Variants in RPS29 observed in about 807,000 individuals in gnomAD.
The protein encoded by RPS29 is ribosomal protein S29, also known as small ribosomal subunit protein uS14.
For synonymous variants in RPS29, 37 were observed against 26.9 expected, an observed-to-expected ratio of 1.37 and a Z score of -1.16; for missense variants, 60 against 75.7, an observed-to-expected ratio of 0.79 and a Z score of 0.77.
At chr14:49,598,228 C>T (rs1402192239) in intron 1 of RPS29, 4 of 580,224 alleles carry the variant, frequency 6.9e-6, no homozygotes, top group African/African-American at 3.8e-5. Context: ...GACCACGACC[C>T]CGACCGTGAG....
At chr14:49,590,578 C>T (rs1432499932), upstream of RPS29, among the ~76,000 whole-genome samples, 1 of 152,194 alleles carries the variant, frequency 6.6e-6, no homozygotes, top group Admixed American at 6.5e-5. Flanking sequence ...CTTTACAAAA[C>T]CTATTTTACC....
intron 2 of RPS29, among the ~76,000 whole-genome samples, chr14:49,584,634 G>GA (rs1021843106): frequency 2.0e-4 from 30 of 151,592 alleles, no homozygotes; most frequent in African/African-American, 7.3e-4. Context: ...CGTGGTGGCA[G>GA]ACGCCTGTAA....
At chr14:49,582,310 A>G (rs1440416385), downstream of RPS29, among the ~76,000 whole-genome samples, 1 of 152,170 alleles carries the variant, frequency 6.6e-6, no homozygotes, top group Non-Finnish European at 1.5e-5. Flanking sequence ...ATATCTAACT[A>G]TAACCTACAG....
upstream of RPS29, chr14:49,586,408 A>G: frequency 1.4e-6 from 2 of 1,456,514 alleles, no homozygotes; most frequent in Non-Finnish European, 9.6e-7. Flanking sequence ...CGCTCTTCAA[A>G]TTTTTGAGAC....
chr14:49,586,174 A>T lies in RPS29; in HGVS notation c.62+111T>A, dbSNP rs1000047799. 7.9e-6 allele frequency: 11 copies of T among 1,395,192 alleles called. No homozygotes were observed. The African/African-American group carries it at 1.6e-4, about 20-fold the overall frequency. 86.4% of individuals were successfully genotyped at this position (1,395,192 alleles called of 1,614,324 possible). ...CAGGCCTGTAATGGCGGCACCAGCGACTCCCAGTCGGCGTGCTCCCTCGTG... is the reference window on the plus strand; with the variant it reads ...CAGGCCTGTAATGGCGGCACCAGCGTCTCCCAGTCGGCGTGCTCCCTCGTG... On this transcript the variant is annotated intron_variant, in intron 1 of 2. Coordinates refer to ENST00000245458, the MANE Select transcript of RPS29 (RefSeq NM_001032.5).
At chr14:49,577,568 G>C (rs993454478) in exon 3 of RPS29, 2 of 638,482 alleles carry the variant, frequency 3.1e-6, no homozygotes, top group Non-Finnish European at 2.8e-6. Context: ...TTGTGGACCA[G>C]GAACTTCCAG....
At chr14:49,581,259 C>T (rs1881326086), downstream of RPS29, among the ~76,000 whole-genome samples, 1 of 152,090 alleles carries the variant, frequency 6.6e-6, no homozygotes, top group African/African-American at 2.4e-5. Context: ...CTTTCCATTC[C>T]AGCTTCCCTT....
intron 2 of RPS29, among the ~76,000 whole-genome samples, chr14:49,578,558 A>ATTTTTT (rs1881248697): frequency 2.3e-5 from 1 of 43,026 alleles, no homozygotes; most frequent in African/African-American, 8.5e-5. Flanking sequence ...CAAAGCTTTC[A>ATTTTTT]CTTTTTTTTT....
rs562792373 is a variant in RPS29, at chr14:49,577,406, C to T, written c.*406G>A. 136 of 269,476 alleles carry T rather than the reference C, an allele frequency of 5.0e-4. 1 individual carries two copies. The highest frequency in any genetic ancestry group is 1.9e-3 in the South Asian group (40 of 21,280). The allele number at this position is 269,476 out of a possible 1,614,324, so 16.7% of individuals were successfully genotyped here. A position where few individuals can be genotyped will look rare whatever the true frequency, so the allele number is the denominator to read the frequency against. ...ACATTCACTGTCTATTCACTTTCTG[C>T]ACTGTGCAGGCTGGCATTGGCATTG... On this transcript the variant is annotated 3_prime_UTR_variant, in exon 3 of 3. Transcript: ENST00000396020.
downstream of RPS29, among the ~76,000 whole-genome samples, chr14:49,582,859 A>C (rs1881381796): frequency 6.6e-6 from 1 of 152,164 alleles, no homozygotes; most frequent in Non-Finnish European, 1.5e-5. Context: ...CACTATACCT[A>C]CACTTCACCT....
chr14:49,586,111 G>A (rs1016881413), intron 1 of RPS29, 62 bp from the exon 2 acceptor site: 24 of 1,480,392 alleles, frequency 1.6e-5, no homozygotes, highest in South Asian at 5.7e-5. Flanking sequence ...GCACTCAGAC[G>A]GCTACTACCC....
chr14:49,583,812 T>G, intron 2 of RPS29, 137 bp from the exon 3 acceptor site: 1 of 563,340 alleles, frequency 1.8e-6, no homozygotes, highest in East Asian at 3.0e-5. Flanking sequence ...CACCAGATTC[T>G]ATGTAGTTTA....
In RPS29 at chr14:49,584,406, G is replaced by C. The variant is rs138276956; in HGVS notation, c.163-731C>G. 1.1e-3 allele frequency among the ~76,000 whole-genome samples: 166 copies of C among 152,350 alleles called. 2 individuals are homozygous for C. The East Asian group carries it at 0.018, about 17-fold the overall frequency. On this transcript the variant is annotated intron_variant, in intron 2 of 2. Coordinates refer to ENST00000245458, the MANE Select transcript of RPS29 (RefSeq NM_001032.5). ...CATATACTGATGAAGTATTTGCTCAGGGCTGCCAAGCCTGAGTTTAAACGT... is the reference window on the plus strand; with the variant it reads ...CATATACTGATGAAGTATTTGCTCACGGCTGCCAAGCCTGAGTTTAAACGT...
intron 1 of RPS29, among the ~76,000 whole-genome samples, chr14:49,592,728 G>A (rs1413634033): frequency 6.7e-6 from 1 of 149,458 alleles, no homozygotes; most frequent in African/African-American, 2.5e-5. Context: ...GACCAACATG[G>A]AGAAACCACG....
At chr14:49,575,230 A>C (rs369244669) in exon 3 of RPS29, 89 of 152,344 alleles carry the variant, frequency 5.8e-4, no homozygotes, top group African/African-American at 1.9e-3. Flanking sequence ...TTTAGTAAAG[A>C]TGGGGTTTCA....
upstream of RPS29, chr14:49,586,840 T>C (rs577354184): frequency 5.8e-6 from 1 of 171,110 alleles, no homozygotes; most frequent in South Asian, 1.2e-4. Flanking sequence ...GAATAGCCAC[T>C]GCACTCCAGC....
At chr14:49,571,508 A>T (rs775532004) in exon 3 of RPS29, 1 of 152,168 alleles carries the variant, frequency 6.6e-6, no homozygotes, top group Non-Finnish European at 1.5e-5. Flanking sequence ...AGATGAGATG[A>T]CCCAAGATGG....
chr14:49,595,616 TA>T (rs113085857), intron 1 of RPS29, among the ~76,000 whole-genome samples: 424 of 139,454 alleles, frequency 3.0e-3, no homozygotes, highest in Middle Eastern at 3.8e-3. Context: ...TAAGCTAAAC[TA>T]AAAAAAAAAA....
chr14:49,577,631 T>C, exon 3 of RPS29: 1 of 712,552 alleles, frequency 1.4e-6, no homozygotes, highest in Middle Eastern at 2.6e-4. Flanking sequence ...TAACCAATGT[T>C]GGGCATAGAT....
Sources: gnomAD v4.1 joint callset for allele counts (sites outside exome capture counted in the v4.1 genomes callset) on GRCh38, gnomAD v4.1.1 for gene constraint, MANE v1.5 for transcripts, NCBI Gene and HGNC (gene_info 2026-07-23, HGNC 2026-07-21) for gene names.